Variants in GTF2F2 observed in about 807,000 individuals in gnomAD.
GTF2F2 encodes general transcription factor IIF subunit 2.
Under a neutral mutation model 42.2 loss-of-function variants are expected in GTF2F2, and 23 were observed. The ratio of observed to expected loss-of-function variants is 0.55; its 90% confidence interval spans 0.39 to 0.77. The LOEUF (loss-of-function observed/expected upper bound fraction) is 0.77, where lower values mean the gene tolerates loss of function less well. Among genes scored for constraint, GTF2F2 ranks in the 30% least tolerant of loss-of-function variants. GTF2F2 has a pLI of 0.00. For missense variants in GTF2F2, 261 were observed against 287.2 expected, an observed-to-expected ratio of 0.91 and a Z score of 0.66; for synonymous variants, 105 against 100.8, an observed-to-expected ratio of 1.04 and a Z score of -0.25.
chr13:45,270,092 G>A lies in GTF2F2; in HGVS notation c.630+2716G>A, dbSNP rs182136308. On this transcript the variant is annotated intron_variant, in intron 7 of 7. Coordinates refer to ENST00000340473, the MANE Select transcript of GTF2F2 (RefSeq NM_004128.3). ...GGTGATCTACATGCCTCAGCCTCCC[G>A]AAGTGCTGAGATTACACGTGAGCTA... 5.3e-5 allele frequency among the ~76,000 whole-genome samples: 8 copies of A among 152,144 alleles called. No homozygotes were observed. The East Asian group carries it at 9.7e-4, about 18-fold the overall frequency.
chr13:45,175,867 G>A (rs1423378522), intron 4 of GTF2F2, among the ~76,000 whole-genome samples: 1 of 152,044 alleles, frequency 6.6e-6, no homozygotes, highest in African/African-American at 2.4e-5. Context: ...CAGGTAATCC[G>A]CCCGCCTCGG....
chr13:45,193,754 G>C, intron 4 of GTF2F2: 3 of 1,538,738 alleles, frequency 1.9e-6, no homozygotes, highest in Non-Finnish European at 1.7e-6. Flanking sequence ...CTTGCTGGCT[G>C]CATGCTTGTT....
At chr13:45,223,189 G>A (rs541622971) in intron 5 of GTF2F2, among the ~76,000 whole-genome samples, 2 of 149,772 alleles carry the variant, frequency 1.3e-5, no homozygotes, top group African/African-American at 2.5e-5. Context: ...TCCAGGAGGT[G>A]CAGGAGGTTG....
intron 6 of GTF2F2, among the ~76,000 whole-genome samples, chr13:45,265,143 C>A (rs1876510901): frequency 6.6e-6 from 1 of 151,970 alleles, no homozygotes; most frequent in Non-Finnish European, 1.5e-5. Flanking sequence ...CCTGTAATCC[C>A]AGCTACTCGG....
At chr13:45,202,981 A>G (rs115305817) in intron 4 of GTF2F2, among the ~76,000 whole-genome samples, 496 of 152,304 alleles carry the variant, frequency 3.3e-3, no homozygotes, top group African/African-American at 0.012. Flanking sequence ...ATAAAATAAA[A>G]TAAATGTACA....
At chr13:45,280,469 A>G (rs1877216806) in intron 7 of GTF2F2, among the ~76,000 whole-genome samples, 1 of 152,208 alleles carries the variant, frequency 6.6e-6, no homozygotes, top group African/African-American at 2.4e-5. Context: ...TGATTAGAGT[A>G]AAATGGTCTT....
chr13:45,182,517 T>A (rs1872215473), intron 4 of GTF2F2, among the ~76,000 whole-genome samples: 1 of 152,098 alleles, frequency 6.6e-6, no homozygotes, highest in Non-Finnish European at 1.5e-5. Flanking sequence ...GAATTATGCC[T>A]TTCTCTCTCT....
chr13:45,227,539 T>G (rs1263137289), intron 5 of GTF2F2, among the ~76,000 whole-genome samples: 3 of 152,236 alleles, frequency 2.0e-5, no homozygotes, highest in Non-Finnish European at 4.4e-5. Context: ...CAAAACTTTT[T>G]TAAAAAACAA....
At position 45,176,814 on chromosome 13, in the gene GTF2F2, G is replaced by A. The variant is rs572916445; in HGVS notation, c.304+24983G>A. ...TTTCTTCTTTTTTTTTGGGGGGGAC[G>A]GTCTCGCTCCACCCAGGCTGGAGTG... is the stretch of plus-strand genomic sequence containing the variant. On this transcript the variant is annotated intron_variant, in intron 4 of 7. Coordinates refer to ENST00000340473, the MANE Select transcript of GTF2F2 (RefSeq NM_004128.3). 1.3e-4 allele frequency among the ~76,000 whole-genome samples: 19 copies of A among 151,320 alleles called. No individual in the cohort carries two copies. In the East Asian group the frequency reaches 2.5e-3, roughly 20 times the overall value.
intron 4 of GTF2F2, among the ~76,000 whole-genome samples, chr13:45,184,238 G>C (rs1353570330): frequency 1.3e-5 from 2 of 152,090 alleles, no homozygotes; most frequent in African/African-American, 4.8e-5. Flanking sequence ...AACCATAGAT[G>C]ATTTCTTCGC....
At chr13:45,193,761 T>G (rs757957755) in intron 4 of GTF2F2, 1 of 1,545,420 alleles carries the variant, frequency 6.5e-7, no homozygotes, top group Non-Finnish European at 8.7e-7. Flanking sequence ...GCTGCATGCT[T>G]GTTGCCTTTG....
intron 6 of GTF2F2, among the ~76,000 whole-genome samples, chr13:45,254,091 G>GA: frequency 2.7e-5 from 4 of 150,204 alleles, no homozygotes; most frequent in African/African-American, 9.8e-5. Flanking sequence ...AAAAAAGAAA[G>GA]AAGAAGAGTG....
intron 4 of GTF2F2, chr13:45,193,914 A>T: frequency 1.2e-6 from 2 of 1,614,180 alleles, no homozygotes; most frequent in Non-Finnish European, 1.7e-6. Flanking sequence ...TTTCCAAGGT[A>T]CAGACAAAGG....
Position 45,181,200 on chromosome 13 carries a change from A to AAAAAAAAAAAAC in GTF2F2, c.305-26221_305-26220insAAAAAAAACAAA, listed in dbSNP as rs766375703. Among the ~76,000 whole-genome samples the AAAAAAAAAAAAC allele has an allele frequency of 4.7e-4, 62 of 132,836 alleles. 1 individual carries two copies. Among genetic ancestry groups the AAAAAAAAAAAAC allele is most frequent in the Non-Finnish European group, 5.3e-4 (32 of 60,684 alleles). 87.1% of individuals were successfully genotyped at this position (132,836 alleles called of 152,430 possible). On this transcript the variant is annotated intron_variant, in intron 4 of 7. Coordinates refer to ENST00000340473, the MANE Select transcript of GTF2F2 (RefSeq NM_004128.3). ...AAAAAACAAACAAACAAAAAAAAAA[A>AAAAAAAAAAAAC]AAACCAGAAAAACCAAAGGTGATAT...
intron 4 of GTF2F2, among the ~76,000 whole-genome samples, chr13:45,155,607 T>G (rs1870718922): frequency 6.6e-6 from 1 of 152,232 alleles, no homozygotes; most frequent in Admixed American, 6.5e-5. Context: ...TTCTCATTAA[T>G]TAAAATAATC....
Position 45,194,254 on chromosome 13 carries a change from C to T in GTF2F2, c.305-13170C>T, listed in dbSNP as rs556514818. 1.3e-5 allele frequency: 21 copies of T among 1,614,102 alleles called. No homozygotes were observed. Among genetic ancestry groups the T allele is most frequent in the South Asian group, 5.5e-5 (5 of 91,082 alleles). ...TTCTTGTGCAAGAAGTTGATTTTCT[C>T]GAAACCCTTCGGGCAATAGAAGTTC... On this transcript the variant is annotated intron_variant, in intron 4 of 7. Transcript: ENST00000340473.
At chr13:45,276,074 GAATAGTGACCCAA>G (rs1340934316) in intron 7 of GTF2F2, among the ~76,000 whole-genome samples, 2 of 152,118 alleles carry the variant, frequency 1.3e-5, no homozygotes, top group Non-Finnish European at 2.9e-5. Flanking sequence ...ATTGCTGAGG[GAATAGTGACCCAA>G]AAAAGTTTGT....
At chr13:45,259,196 G>A (rs186709729) in intron 6 of GTF2F2, among the ~76,000 whole-genome samples, 19 of 152,250 alleles carry the variant, frequency 1.2e-4, no homozygotes, top group African/African-American at 4.3e-4. Context: ...GGAGGCCAAG[G>A]CAGGTGGATT....
intron 5 of GTF2F2, among the ~76,000 whole-genome samples, chr13:45,212,129 A>G (rs571438788): frequency 2.6e-5 from 4 of 152,340 alleles, no homozygotes; most frequent in South Asian, 4.1e-4. Context: ...TGTAGGTAAC[A>G]TTAAAGTAGA....
Sources: gnomAD v4.1 joint callset for allele counts (sites outside exome capture counted in the v4.1 genomes callset) on GRCh38, gnomAD v4.1.1 for gene constraint, MANE v1.5 for transcripts, NCBI Gene and HGNC (gene_info 2026-07-23, HGNC 2026-07-21) for gene names.